SPIDR: variants seen among roughly 807,000 people sequenced by gnomAD.
SPIDR encodes the protein DNA repair-scaffolding protein.
In SPIDR, 93 loss-of-function variants were observed where a neutral mutation model predicts 104.6. The ratio of observed to expected loss-of-function variants is 0.89; its 90% CI spans 0.75 to 1.06. The LOEUF is 1.06. Ranked by LOEUF, SPIDR falls within the 50% of genes least tolerant of loss-of-function variation. The pLI is 0.00. For synonymous variants in SPIDR, 431 were observed against 416.9 expected (o/e 1.03, Z -0.41); for missense variants, 1,154 against 1,111.2 (o/e 1.04, Z -0.55).
At chr8:47,363,843 T>G (rs1195559890) in intron 5 of SPIDR, among the ~76,000 whole-genome samples, 2 of 148,706 alleles carry the variant, frequency 1.3e-5, no homozygotes, top group East Asian at 2.0e-4. Flanking sequence ...TTCTGTAGGT[T>G]TTTTTTTTTT....
intron 8 of SPIDR, among the ~76,000 whole-genome samples, chr8:47,447,180 T>A (rs2070805582): frequency 6.6e-6 from 1 of 152,204 alleles, no homozygotes; most frequent in Admixed American, 6.5e-5. Flanking sequence ...GAGTTGGTTC[T>A]TATGAATGAG....
At chr8:47,545,122 T>TCTTTCTTTC (rs1320446637) in intron 8 of SPIDR, among the ~76,000 whole-genome samples, 1 of 145,004 alleles carries the variant, frequency 6.9e-6, no homozygotes, top group African/African-American at 2.5e-5. Flanking sequence ...TTTCTTTCTT[T>TCTTTCTTTC]TTTTTTTTTT....
At chr8:47,691,393 G>A (rs914921015) in intron 11 of SPIDR, among the ~76,000 whole-genome samples, 8 of 152,018 alleles carry the variant, frequency 5.3e-5, no homozygotes, top group South Asian at 2.1e-4. Context: ...ACATCTATAC[G>A]GTATTCATAG....
At chr8:47,425,753 G>A (rs1272167698) in intron 7 of SPIDR, among the ~76,000 whole-genome samples, 2 of 152,138 alleles carry the variant, frequency 1.3e-5, no homozygotes, top group Admixed American at 1.3e-4. Flanking sequence ...TATTCACACA[G>A]TAAAAAGTGA....
At chr8:47,408,135 G>C (rs1554668652) in intron 7 of SPIDR, 174 bp downstream of exon 7, 2 of 362,268 alleles carry the variant, frequency 5.5e-6, no homozygotes, top group African/African-American at 4.2e-5. Flanking sequence ...TATTTAACTT[G>C]ATGAGTTTAA....
chr8:47,719,229 C>T (rs2083022850), intron 16 of SPIDR, among the ~76,000 whole-genome samples: 1 of 152,202 alleles, frequency 6.6e-6, no homozygotes, highest in Admixed American at 6.5e-5. Flanking sequence ...AAGTACCAGG[C>T]TGGGCGTGGT....
At chr8:47,726,788 C>T (rs1279883244) in intron 16 of SPIDR, among the ~76,000 whole-genome samples, 2 of 152,098 alleles carry the variant, frequency 1.3e-5, no homozygotes, top group African/African-American at 4.8e-5. Context: ...GGCTGGAGTG[C>T]AGTGGCATAA....
intron 5 of SPIDR, among the ~76,000 whole-genome samples, chr8:47,320,702 A>G (rs1399019178): frequency 6.6e-6 from 1 of 152,240 alleles, no homozygotes; most frequent in Admixed American, 6.5e-5. Context: ...TCCTCAATAA[A>G]ATACTGGCAA....
chr8:47,500,148 G>T (rs2080146150), intron 8 of SPIDR, among the ~76,000 whole-genome samples: 1 of 152,114 alleles, frequency 6.6e-6, no homozygotes, highest in African/African-American at 2.4e-5. Flanking sequence ...AATCCTTTGG[G>T]TATATACCGA....
chr8:47,543,370 T>G (rs1479750945), intron 8 of SPIDR, among the ~76,000 whole-genome samples: 1 of 152,198 alleles, frequency 6.6e-6, no homozygotes, highest in Non-Finnish European at 1.5e-5. Flanking sequence ...AGATAGATAG[T>G]GATATCTCAT....
At chr8:47,632,124 T>G (rs147815614) in intron 10 of SPIDR, among the ~76,000 whole-genome samples, 1 of 152,312 alleles carries the variant, frequency 6.6e-6, no homozygotes, top group East Asian at 1.9e-4. Context: ...GGAAGCATGT[T>G]CTTCACAACC....
chr8:47,685,313 AT>A (rs1275838278), intron 11 of SPIDR, among the ~76,000 whole-genome samples: 1 of 152,018 alleles, frequency 6.6e-6, no homozygotes, highest in African/African-American at 2.4e-5. Flanking sequence ...TAACTAGTTA[AT>A]TTACCTTGCA....
At position 47,538,170 on chromosome 8, in the gene SPIDR, G is replaced by A. The variant is rs532351390; in HGVS notation, c.1098-57641G>A. On this transcript the variant is annotated intron_variant, in intron 8 of 19. Coordinates refer to ENST00000297423, the MANE Select transcript of SPIDR (RefSeq NM_001080394.4). The stretch of plus-strand genomic sequence containing the variant: ...AGCCTGGGCAATAGAGCTAGACTCC[G>A]TCTCAAAATAAAAATAAAGAAAAAA... Among the ~76,000 whole-genome samples the A allele has an allele frequency of 3.5e-4, 53 of 152,172 alleles. No individual in the cohort carries two copies. In the South Asian group the frequency reaches 8.5e-3, roughly 24 times the overall value.
chr8:47,525,131 T>C (rs1379798464), intron 8 of SPIDR, among the ~76,000 whole-genome samples: 1 of 152,244 alleles, frequency 6.6e-6, no homozygotes, highest in Non-Finnish European at 1.5e-5. Context: ...ATTTGCAGTT[T>C]GGCTTCCTGC....
chr8:47,337,073 G>A (rs529860182), intron 5 of SPIDR, among the ~76,000 whole-genome samples: 1 of 152,232 alleles, frequency 6.6e-6, no homozygotes, highest in Admixed American at 6.5e-5. Context: ...TTGGAGAAAC[G>A]TCTATTTAAA....
At chr8:47,463,617 C>A (rs1554715150) in intron 8 of SPIDR, among the ~76,000 whole-genome samples, 1 of 151,992 alleles carries the variant, frequency 6.6e-6, no homozygotes, top group East Asian at 1.9e-4. Context: ...ATGAAAAAAT[C>A]CTCAACAACA....
intron 14 of SPIDR, among the ~76,000 whole-genome samples, chr8:47,705,996 G>C (rs1194263099): frequency 6.6e-6 from 1 of 152,048 alleles, no homozygotes; most frequent in African/African-American, 2.4e-5. Context: ...CTTTTATTTT[G>C]TAATAATTAT....
At chr8:47,717,511 G>A (rs1042659176) in intron 16 of SPIDR, among the ~76,000 whole-genome samples, 2 of 152,136 alleles carry the variant, frequency 1.3e-5, no homozygotes, top group African/African-American at 4.8e-5. Flanking sequence ...CCTAACTACG[G>A]CCAATGAGTG....
intron 6 of SPIDR, 77 bp from the exon 7 acceptor site, chr8:47,407,784 G>C: frequency 1.3e-6 from 1 of 775,220 alleles, no homozygotes; most frequent in Non-Finnish European, 2.1e-6. Flanking sequence ...TGGTTGGGGG[G>C]TATACAATAT....
Sources: gnomAD v4.1 joint callset for allele counts (sites outside exome capture counted in the v4.1 genomes callset) on GRCh38, gnomAD v4.1.1 for gene constraint, MANE v1.5 for transcripts, NCBI Gene and HGNC (gene_info 2026-07-23, HGNC 2026-07-21) for gene names.